Variants in CSMD1 observed in about 807,000 individuals in gnomAD.
CSMD1 encodes the protein CUB and sushi domain-containing protein 1.
In CSMD1, 213 loss-of-function variants were observed where a neutral mutation model predicts 417.5. The observed-to-expected ratio is 0.51, with a 90% confidence interval of 0.46 to 0.57. The LOEUF is 0.57. CSMD1 is among the 20% of genes least tolerant of loss of function. CSMD1 has a pLI of 0.00. For synonymous variants in CSMD1, 2,862 were observed against 1,736.8 expected, an observed-to-expected ratio of 1.65 and a Z score of -16.11; for missense variants, 6,923 against 4,529.7, an observed-to-expected ratio of 1.53 and a Z score of -15.17.
At chr8:4,085,605 G>C (rs9644362) in intron 3 of CSMD1, among the ~76,000 whole-genome samples, 24,512 of 152,124 alleles carry the variant, frequency 0.16, 2,255 homozygotes, top group South Asian at 0.34. Flanking sequence ...GCAACAACTT[G>C]TGGGAACCTC....
At chr8:3,277,935 A>G (rs1212564828) in intron 26 of CSMD1, among the ~76,000 whole-genome samples, 1 of 152,218 alleles carries the variant, frequency 6.6e-6, no homozygotes, top group Non-Finnish European at 1.5e-5. Context: ...ACACATGAAA[A>G]GCTGAGTAAA....
In CSMD1 at chr8:3,871,409, A is replaced by G. The variant is rs115189854; in HGVS notation, c.819-117367T>C. On this transcript the variant is annotated intron_variant, in intron 5 of 69. Transcript: ENST00000635120. ...ACTTGCATTGGTTTCTTCAACTTGC[A>G]TTATTTTCCTTTAACATGCATCATT... 2.1e-3 allele frequency among the ~76,000 whole-genome samples: 317 copies of G among 152,254 alleles called. 1 individual carries two copies. The highest frequency in any genetic ancestry group is 7.4e-3 in the African/African-American group (308 of 41,576).
chr8:3,089,171 G>A (rs1814751207), intron 48 of CSMD1, among the ~76,000 whole-genome samples: 1 of 152,202 alleles, frequency 6.6e-6, no homozygotes, highest in South Asian at 2.1e-4. Flanking sequence ...AGAGGAGCAG[G>A]GCCTGGTCCT....
chr8:3,084,468 A>C (rs1372013223), intron 49 of CSMD1, among the ~76,000 whole-genome samples: 2 of 148,182 alleles, frequency 1.3e-5, no homozygotes, highest in African/African-American at 5.0e-5. Context: ...AGTTGCCGTG[A>C]GCCGAGATCA....
chr8:3,706,299 G>C (rs146893277), intron 7 of CSMD1, among the ~76,000 whole-genome samples: 69 of 152,320 alleles, frequency 4.5e-4, no homozygotes, highest in African/African-American at 1.6e-3. Context: ...ACTTGAATAA[G>C]GCATATACTT....
intron 3 of CSMD1, among the ~76,000 whole-genome samples, chr8:4,248,960 T>C (rs1478078532): frequency 6.6e-6 from 1 of 152,204 alleles, no homozygotes; most frequent in Non-Finnish European, 1.5e-5. Context: ...ATAATGCTAC[T>C]TTTAATATCA....
chr8:4,872,763 A>G (rs887135136), intron 1 of CSMD1, among the ~76,000 whole-genome samples: 4 of 152,134 alleles, frequency 2.6e-5, no homozygotes, highest in Admixed American at 2.0e-4. Flanking sequence ...TATCTTGCAC[A>G]TTTATAATTC....
intron 7 of CSMD1, among the ~76,000 whole-genome samples, chr8:3,620,660 T>C (rs1344368792): frequency 6.6e-6 from 1 of 152,018 alleles, no homozygotes; most frequent in African/African-American, 2.4e-5. Context: ...ATCTATAGAA[T>C]ATGTAAAAAA....
At chr8:4,210,687 C>A (rs747442025) in intron 3 of CSMD1, among the ~76,000 whole-genome samples, 1 of 152,148 alleles carries the variant, frequency 6.6e-6, no homozygotes, top group African/African-American at 2.4e-5. Context: ...CAATTTTCCA[C>A]TTCATTTTGC....
intron 3 of CSMD1, among the ~76,000 whole-genome samples, chr8:4,224,083 C>T (rs886873017): frequency 6.6e-6 from 1 of 152,240 alleles, no homozygotes. Flanking sequence ...GCTGATGGAA[C>T]TGACCTGAGG....
intron 5 of CSMD1, among the ~76,000 whole-genome samples, chr8:3,967,484 G>C (rs893099907): frequency 4.6e-5 from 7 of 152,010 alleles, no homozygotes; most frequent in African/African-American, 1.7e-4. Context: ...ATGGAAAGTT[G>C]TTGAAATACA....
chr8:3,090,716 A>G (rs781341458), intron 48 of CSMD1, among the ~76,000 whole-genome samples: 36 of 152,226 alleles, frequency 2.4e-4, no homozygotes, highest in Admixed American at 4.6e-4. Flanking sequence ...ACGGGAAAAC[A>G]TAACTTGAAA....
intron 2 of CSMD1, among the ~76,000 whole-genome samples, chr8:4,443,932 T>A (rs1050088567): frequency 2.0e-5 from 3 of 152,146 alleles, no homozygotes; most frequent in Admixed American, 1.3e-4. Context: ...TGCGTACATA[T>A]ACATGCATAT....
intron 10 of CSMD1, among the ~76,000 whole-genome samples, chr8:3,516,525 G>T (rs1391202683): frequency 6.6e-6 from 1 of 152,182 alleles, no homozygotes; most frequent in East Asian, 1.9e-4. Flanking sequence ...TTACACCTTT[G>T]TGAGAAGCAC....
Position 3,077,437 on chromosome 8 carries a change from G to A in CSMD1, c.7474+9660C>T, listed in dbSNP as rs185467608. Among the ~76,000 whole-genome samples the A allele has an allele frequency of 1.9e-3, 290 of 152,266 alleles. No homozygotes were observed. The South Asian group carries it at 0.022, about 12-fold the overall frequency. ...AAGCACACACTGTCTGCATCGATGT[G>A]GTCTACATGGACATAAACACCTGCC... is the stretch of plus-strand genomic sequence containing the variant. On this transcript the variant is annotated intron_variant, in intron 49 of 69. Transcript: ENST00000635120.
intron 10 of CSMD1, among the ~76,000 whole-genome samples, chr8:3,495,995 G>T (rs1328444648): frequency 1.3e-5 from 2 of 152,102 alleles, no homozygotes; most frequent in Admixed American, 6.5e-5. Flanking sequence ...TGCTGCACCT[G>T]TCAACCCATC....
rs147563268 is a variant in CSMD1, at chr8:3,363,137, G to A, written c.3116-3797C>T. ...GTCTTGGTCCTCCCATTGTACCTCC[G>A]TCTGCTGAGAGCCCACCCAAATTAG... is the stretch of plus-strand genomic sequence containing the variant. On this transcript the variant is annotated intron_variant, in intron 20 of 69. Coordinates refer to ENST00000635120, the MANE Select transcript of CSMD1 (RefSeq NM_033225.6). Among the ~76,000 whole-genome samples, 183 of 152,140 alleles carry A rather than the reference G, an allele frequency of 1.2e-3. No individual in the cohort carries two copies. In the Middle Eastern group the frequency reaches 0.034, roughly 28 times the overall value.
In CSMD1 at chr8:4,283,651, C is replaced by G. The variant is rs1012758920; in HGVS notation, c.415+136302G>C. 4.6e-5 allele frequency among the ~76,000 whole-genome samples: 7 copies of G among 152,138 alleles called. No homozygotes were observed. In the South Asian group the frequency reaches 6.2e-4, roughly 14 times the overall value. ...GAAATGTGGGTAGAGATGGACAAAA[C>G]CCAACAGACACACCTCAGTTTTCCA... On this transcript the variant is annotated intron_variant, in intron 3 of 69. Transcript: ENST00000635120.
Position 4,775,335 on chromosome 8 carries a change from T to C in CSMD1, c.86-137777A>G, listed in dbSNP as rs184597486. On this transcript the variant is annotated intron_variant, in intron 1 of 69. Transcript: ENST00000635120. ...AAGGTGATATGTAGCAGTGAATAGA[T>C]GGAAGGAACACTACGAATTTTTATA... Among the ~76,000 whole-genome samples the C allele has an allele frequency of 2.4e-3, 362 of 152,286 alleles. 4 individuals carry two copies. The highest frequency in any genetic ancestry group is 8.5e-3 in the African/African-American group (352 of 41,574).
Sources: gnomAD v4.1 joint callset for allele counts (sites outside exome capture counted in the v4.1 genomes callset) on GRCh38, gnomAD v4.1.1 for gene constraint, MANE v1.5 for transcripts, NCBI Gene and HGNC (gene_info 2026-07-23, HGNC 2026-07-21) for gene names.